Variants in CSMD3 observed in about 807,000 individuals in gnomAD.
CSMD3 encodes CUB and Sushi multiple domains 3, also known as CUB and sushi domain-containing protein 3.
Under a neutral mutation model 435.2 loss-of-function variants are expected in CSMD3, and 177 were observed. The ratio of observed to expected loss-of-function variants is 0.41; its 90% CI spans 0.36 to 0.46. The LOEUF is 0.46. Ranked by LOEUF, CSMD3 falls within the 20% of genes least tolerant of loss-of-function variation. CSMD3 has a pLI of 0.34. For missense variants in CSMD3, 4,265 were observed against 4,504.6 expected (o/e 0.95, Z 1.52); for synonymous variants, 1,656 against 1,520.5 (o/e 1.09, Z -2.07).
At chr8:113,426,003 T>C (rs2094634027) in intron 1 of CSMD3, among the ~76,000 whole-genome samples, 1 of 151,518 alleles carries the variant, frequency 6.6e-6, no homozygotes, top group Non-Finnish European at 1.5e-5. Flanking sequence ...TGAGTAAATA[T>C]TTTGTCTAGA....
intron 32 of CSMD3, among the ~76,000 whole-genome samples, chr8:112,446,201 G>A (rs1815590547): frequency 6.6e-6 from 1 of 152,110 alleles, no homozygotes; most frequent in Non-Finnish European, 1.5e-5. Context: ...ACTATCTTGT[G>A]CCCCTTGACT....
At chr8:112,886,575 G>A (rs549065086) in intron 10 of CSMD3, among the ~76,000 whole-genome samples, 3 of 150,932 alleles carry the variant, frequency 2.0e-5, no homozygotes, top group South Asian at 2.1e-4. Flanking sequence ...CATAGTGAGG[G>A]TGTACTACAT....
intron 12 of CSMD3, among the ~76,000 whole-genome samples, chr8:112,803,399 A>G (rs533954390): frequency 1.3e-5 from 2 of 152,320 alleles, no homozygotes; most frequent in East Asian, 3.9e-4. Flanking sequence ...TTGAGGAAAC[A>G]GATTTGTGTG....
rs931492626 is a variant in CSMD3, at chr8:112,503,480, C to T, written c.5083+310G>A. 2.6e-5 allele frequency among the ~76,000 whole-genome samples: 4 copies of T among 152,194 alleles called. No homozygotes were observed. In the East Asian group the frequency reaches 7.7e-4, roughly 29 times the overall value. ...TATTTGACTGAAACTTCAGCTTCTA[C>T]AAAATGAGGCTTTTTTTGTATTTTT... On this transcript the variant is annotated intron_variant, in intron 30 of 70. Coordinates refer to ENST00000297405, the MANE Select transcript of CSMD3 (RefSeq NM_198123.2).
At chr8:113,384,163 A>G (rs1457678147) in intron 1 of CSMD3, among the ~76,000 whole-genome samples, 1 of 152,154 alleles carries the variant, frequency 6.6e-6, no homozygotes, top group Non-Finnish European at 1.5e-5. Flanking sequence ...ATCTTTTGTC[A>G]TAGTCTATAA....
intron 61 of CSMD3, among the ~76,000 whole-genome samples, chr8:112,258,528 G>A (rs986174281): frequency 6.6e-6 from 1 of 152,150 alleles, no homozygotes; most frequent in Non-Finnish European, 1.5e-5. Flanking sequence ...ACGGAGAAAA[G>A]CTCATCATCA....
chr8:112,592,602 A>G (rs1198617790), intron 22 of CSMD3, among the ~76,000 whole-genome samples: 2 of 152,126 alleles, frequency 1.3e-5, no homozygotes, highest in Non-Finnish European at 2.9e-5. Flanking sequence ...TGTGAATTGC[A>G]GTCATAATTG....
intron 61 of CSMD3, among the ~76,000 whole-genome samples, chr8:112,258,994 G>A (rs932968141): frequency 1.3e-5 from 2 of 151,928 alleles, no homozygotes; most frequent in Non-Finnish European, 1.5e-5. Context: ...AGCCGAGATC[G>A]TGCCACTGCA....
At chr8:112,348,739 A>G (rs1268654117) in intron 40 of CSMD3, among the ~76,000 whole-genome samples, 2 of 152,152 alleles carry the variant, frequency 1.3e-5, no homozygotes, top group African/African-American at 2.4e-5. Flanking sequence ...TTTACTAAAA[A>G]TACAAAATTA....
chr8:112,655,022 A>G (rs1255690538), intron 18 of CSMD3, among the ~76,000 whole-genome samples: 2 of 152,180 alleles, frequency 1.3e-5, no homozygotes, highest in Admixed American at 6.5e-5. Context: ...GCATTTTACC[A>G]TGATTTTTAC....
At chr8:113,279,846 T>C (rs1431770320) in intron 2 of CSMD3, among the ~76,000 whole-genome samples, 3 of 151,882 alleles carry the variant, frequency 2.0e-5, no homozygotes, top group Admixed American at 6.6e-5. Context: ...TTTATGTGCA[T>C]AGTTATTAAA....
intron 3 of CSMD3, among the ~76,000 whole-genome samples, chr8:113,243,005 A>G (rs1044076291): frequency 1.5e-4 from 23 of 152,144 alleles, no homozygotes; most frequent in Admixed American, 1.3e-3. Flanking sequence ...ATAAAAGAGA[A>G]ATTGGTAAAA....
At chr8:112,343,669 T>G (rs2131008966) in intron 41 of CSMD3, among the ~76,000 whole-genome samples, 1 of 152,240 alleles carries the variant, frequency 6.6e-6, no homozygotes, top group African/African-American at 2.4e-5. Flanking sequence ...ATCATTTATT[T>G]ATTTTTTAAA....
chr8:112,400,093 C>A (rs1017412746), intron 35 of CSMD3, among the ~76,000 whole-genome samples: 4 of 152,136 alleles, frequency 2.6e-5, no homozygotes, highest in South Asian at 2.1e-4. Flanking sequence ...TACCAATTTT[C>A]CATCTTAGTC....
At chr8:112,991,819 T>C (rs1587841224) in intron 6 of CSMD3, among the ~76,000 whole-genome samples, 1 of 151,918 alleles carries the variant, frequency 6.6e-6, no homozygotes, top group South Asian at 2.1e-4. Context: ...AAAAGTTATA[T>C]GTAATGATGT....
At chr8:112,372,913 C>G (rs4469486) in intron 38 of CSMD3, among the ~76,000 whole-genome samples, 58,656 of 148,694 alleles carry the variant, frequency 0.39, 13,065 homozygotes, top group Middle Eastern at 0.54. Flanking sequence ...CCAGCATTTA[C>G]CTTTTAGGTA....
chr8:112,860,611 C>T (rs893606189), intron 10 of CSMD3, among the ~76,000 whole-genome samples: 2 of 151,516 alleles, frequency 1.3e-5, no homozygotes, highest in African/African-American at 4.9e-5. Context: ...GCAATGAACT[C>T]ATAATTGCTA....
intron 13 of CSMD3, among the ~76,000 whole-genome samples, chr8:112,735,799 C>T (rs1012352746): frequency 6.6e-6 from 1 of 151,920 alleles, no homozygotes; most frequent in Non-Finnish European, 1.5e-5. Flanking sequence ...CTCCCCAGAA[C>T]AATATAACAC....
intron 24 of CSMD3, among the ~76,000 whole-genome samples, chr8:112,570,331 C>T (rs2131287613): frequency 6.6e-6 from 1 of 152,236 alleles, no homozygotes; most frequent in South Asian, 2.1e-4. Context: ...AAGAACGATG[C>T]ACATATGTTC....
Sources: allele counts gnomAD v4.1 joint callset (sites outside exome capture counted in the v4.1 genomes callset), GRCh38; gene constraint gnomAD v4.1.1; transcripts MANE v1.5; gene names NCBI Gene and HGNC (gene_info 2026-07-23, HGNC 2026-07-21).